Variants in DGKB observed in about 807,000 individuals in gnomAD.
DGKB encodes 90 kDa diacylglycerol kinase.
Under a neutral mutation model 114.3 loss-of-function variants are expected in DGKB, and 67 were observed. The observed-to-expected ratio is 0.59, with a 90% CI of 0.48 to 0.72. DGKB has a LOEUF of 0.72. Among genes scored for constraint, DGKB ranks in the 30% least tolerant of loss-of-function variants. The pLI, the probability that DGKB is intolerant of heterozygous loss-of-function variation, is 0.00. For missense variants in DGKB, 907 were observed against 975.2 expected (o/e 0.93, Z 0.93); for synonymous variants, 398 against 323.1 (o/e 1.23, Z -2.49).
chr7:14,947,049 A>G (rs534034490), intron 1 of DGKB, among the ~76,000 whole-genome samples: 1 of 151,758 alleles, frequency 6.6e-6, no homozygotes, highest in African/African-American at 2.4e-5. Context: ...TGTTTTACTT[A>G]AGATAAGAAT....
At chr7:14,199,058 G>C (rs959998385) in intron 23 of DGKB, among the ~76,000 whole-genome samples, 4 of 152,044 alleles carry the variant, frequency 2.6e-5, no homozygotes, top group Non-Finnish European at 4.4e-5. Context: ...ATCTCTAAAA[G>C]AGAAATGGTA....
At chr7:14,822,147 T>G (rs187933683) in intron 2 of DGKB, among the ~76,000 whole-genome samples, 32 of 152,312 alleles carry the variant, frequency 2.1e-4, no homozygotes, top group Admixed American at 1.8e-3. Context: ...AAATGTGTAA[T>G]TCCAGTGAGC....
intron 1 of DGKB, among the ~76,000 whole-genome samples, chr7:14,919,062 GCACACACACACACACA>G (rs767285844): frequency 8.5e-6 from 1 of 118,064 alleles, no homozygotes; most frequent in Non-Finnish European, 1.7e-5. Context: ...TCCACCACAC[GCACACACACACACACA>G]CACACACACA....
intron 13 of DGKB, among the ~76,000 whole-genome samples, chr7:14,649,300 G>A (rs1308101056): frequency 6.6e-6 from 1 of 151,672 alleles, no homozygotes; most frequent in African/African-American, 2.4e-5. Flanking sequence ...GGATCTCTCG[G>A]CAGAAACCCC....
At chr7:14,446,347 G>T (rs145786497) in intron 21 of DGKB, among the ~76,000 whole-genome samples, 1 of 152,186 alleles carries the variant, frequency 6.6e-6, no homozygotes, top group Non-Finnish European at 1.5e-5. Context: ...AGCTTCCTGA[G>T]AATTTAGGTA....
intron 23 of DGKB, chr7:14,209,381 G>A: frequency 8.6e-6 from 4 of 463,732 alleles, no homozygotes; most frequent in Non-Finnish European, 1.8e-5. Context: ...GACACTGCTT[G>A]CAACTATAAA....
intron 25 of DGKB, among the ~76,000 whole-genome samples, chr7:14,160,606 C>G (rs180881383): frequency 1.3e-5 from 2 of 152,144 alleles, no homozygotes; most frequent in African/African-American, 4.8e-5. Flanking sequence ...CACTGCTCAA[C>G]TGCTCAAGGA....
chr7:14,647,430 T>A (rs1194836696), intron 13 of DGKB, among the ~76,000 whole-genome samples: 1 of 152,138 alleles, frequency 6.6e-6, no homozygotes, highest in Non-Finnish European at 1.5e-5. Context: ...CCAATTATTT[T>A]TAAATTACTC....
At chr7:14,339,211 A>G (rs941833406) in intron 22 of DGKB, among the ~76,000 whole-genome samples, 1 of 151,482 alleles carries the variant, frequency 6.6e-6, no homozygotes, top group Admixed American at 6.6e-5. Flanking sequence ...CTTTTGCTAA[A>G]AAAAAAAAAA....
At chr7:14,404,944 T>C (rs1440613349) in intron 21 of DGKB, among the ~76,000 whole-genome samples, 2 of 151,838 alleles carry the variant, frequency 1.3e-5, no homozygotes, top group African/African-American at 4.8e-5. Context: ...ATCCTCTCCC[T>C]GGTTAATCTC....
intron 12 of DGKB, among the ~76,000 whole-genome samples, chr7:14,679,165 T>C (rs1020396538): frequency 1.5e-5 from 2 of 133,200 alleles, no homozygotes; most frequent in Admixed American, 1.5e-4. Context: ...GACGTAAGTG[T>C]TCTTCATGGA....
chr7:14,546,912 C>T (rs1006271655), intron 20 of DGKB, among the ~76,000 whole-genome samples: 7 of 152,142 alleles, frequency 4.6e-5, no homozygotes, highest in African/African-American at 1.7e-4. Flanking sequence ...GATCAAAACA[C>T]ATTTTCTTTC....
At chr7:14,639,868 G>A (rs1415411343) in intron 13 of DGKB, among the ~76,000 whole-genome samples, 7 of 152,092 alleles carry the variant, frequency 4.6e-5, no homozygotes, top group Non-Finnish European at 7.3e-5. Flanking sequence ...AGTGCAATTC[G>A]ATTTAGTAAG....
At position 14,515,410 on chromosome 7, in the gene DGKB, G is replaced by A. The variant is rs558628773; in HGVS notation, c.1771-37185C>T. 9.2e-5 allele frequency among the ~76,000 whole-genome samples: 14 copies of A among 152,262 alleles called. No individual in the cohort carries two copies. The South Asian group carries it at 2.7e-3, about 29-fold the overall frequency. On this transcript the variant is annotated intron_variant, in intron 20 of 25. Coordinates refer to ENST00000402815, the MANE Select transcript of DGKB (RefSeq NM_001350709.2). Reference sequence around the variant, plus strand: ...CATTGAGATGGATTGTATCTCTGATGTCCTTGACTGGCAGACCAAACACTT... The same window carrying A: ...CATTGAGATGGATTGTATCTCTGATATCCTTGACTGGCAGACCAAACACTT...
chr7:14,764,348 A>C (rs1445098240), intron 2 of DGKB, among the ~76,000 whole-genome samples: 1 of 152,044 alleles, frequency 6.6e-6, no homozygotes, highest in Non-Finnish European at 1.5e-5. Flanking sequence ...TTGTGCAGAC[A>C]ACATAGTAGC....
chr7:14,217,956 A>G (rs1221478652), intron 23 of DGKB, among the ~76,000 whole-genome samples: 1 of 152,038 alleles, frequency 6.6e-6, no homozygotes, highest in Non-Finnish European at 1.5e-5. Flanking sequence ...TTGTAAATAA[A>G]CCCTTCTGAG....
At chr7:14,312,857 A>C (rs1805643810) in intron 23 of DGKB, among the ~76,000 whole-genome samples, 1 of 152,210 alleles carries the variant, frequency 6.6e-6, no homozygotes, top group African/African-American at 2.4e-5. Context: ...GAATTTAGAA[A>C]CTTTTTGTAT....
intron 23 of DGKB, among the ~76,000 whole-genome samples, chr7:14,244,669 CAAA>C (rs34364672): frequency 7.1e-4 from 33 of 46,376 alleles, no homozygotes; most frequent in Admixed American, 2.0e-3. Context: ...GACTCTGTCT[CAAA>C]AAAAAAAAAA....
chr7:14,213,793 G>A lies in DGKB; in HGVS notation c.2123-35642C>T, dbSNP rs117938876. Reference sequence around the variant, plus strand: ...CCAGCTTTCACAGAACTGTGGTGACGGTGATACAGTTTACCCTCTCATCAT... The same window carrying A: ...CCAGCTTTCACAGAACTGTGGTGACAGTGATACAGTTTACCCTCTCATCAT... On this transcript the variant is annotated intron_variant, in intron 23 of 25. Transcript: ENST00000402815. 4.4e-3 allele frequency among the ~76,000 whole-genome samples: 670 copies of A among 152,202 alleles called. 3 individuals are homozygous for A. Among genetic ancestry groups the A allele is most frequent in the Middle Eastern group, 0.01 (3 of 294 alleles).
Sources: allele counts gnomAD v4.1 joint callset (sites outside exome capture counted in the v4.1 genomes callset), GRCh38; gene constraint gnomAD v4.1.1; transcripts MANE v1.5; gene names NCBI Gene and HGNC (gene_info 2026-07-23, HGNC 2026-07-21).